The following MCM7 variants were observed in gnomAD, a reference collection of about 807,000 sequenced individuals.
The protein encoded by MCM7 is minichromosome maintenance complex component 7, also known as DNA replication licensing factor MCM7.
A neutral mutation model predicts 83.5 loss-of-function variants in MCM7; 95 were observed. The ratio of observed to expected loss-of-function variants is 1.14; its 90% confidence interval spans 0.96 to 1.35. MCM7 has a LOEUF of 1.35. Ranked by LOEUF, MCM7 falls within the 40% of genes most tolerant of loss-of-function variation. MCM7 has a pLI of 0.00. For synonymous variants in MCM7, 461 were observed against 352.7 expected (o/e 1.31, Z -3.44); for missense variants, 1,087 against 957.4 (o/e 1.14, Z -1.79).
rs112489425 is a variant in MCM7 at position 100,099,209 on chromosome 7, G to A, written c.402-6C>T. 5.5e-5 allele frequency: 89 copies of A among 1,613,888 alleles called. No homozygotes were observed. Among genetic ancestry groups the A allele is most frequent in the Non-Finnish European group, 6.7e-5 (79 of 1,179,952 alleles). On this transcript the variant is annotated splice_region_variant and splice_polypyrimidine_tract_variant and intron_variant, in intron 4 of 14. Transcript: ENST00000303887. ...GGCCTTGAAAATACAGCTCACTAAG[G>A]GGAGAAAACAGTCACAAACAAGATC... is the stretch of plus-strand genomic sequence containing the variant.
rs1406583255 is a variant in MCM7, at chr7:100,096,019, C to G, written c.1350G>C (p.Met450Ile). 6.2e-7 allele frequency: 1 copy of G among 1,614,080 alleles called. No individual in the cohort carries two copies. Among genetic ancestry groups the G allele is most frequent in the Non-Finnish European group, 8.5e-7 (1 of 1,180,004 alleles). ...GGATGGCTGTGCGGTCGGCCTCAGC[C>G]ATCTTGTCGAACTCATCAATGCAGC... Reference protein sequence around the residue: ...GVCCIDEFDKMAEADRTAIHE... With the variant: ...GVCCIDEFDKIAEADRTAIHE... The change falls in exon 11 of 15, where the codon ATG (methionine) becomes ATC (isoleucine). Residue 450 changes from methionine to isoleucine, a missense_variant. Transcript: ENST00000303887.
chr7:100,100,976 CT>C, intron 1 of MCM7: 3 of 959,890 alleles, frequency 3.1e-6, no homozygotes, highest in Non-Finnish European at 2.9e-6. Context: ...CTGGGCGCGA[CT>C]TTTCCCTGTG....
intron 12 of MCM7, 126 bp from the exon 13 acceptor site, chr7:100,094,467 A>C: frequency 9.5e-7 from 1 of 1,058,060 alleles, no homozygotes. Flanking sequence ...TTTAAGTGGA[A>C]AACACAAATT....
chr7:100,093,763 G>A (rs745577359), intron 13 of MCM7: 16 of 614,750 alleles, frequency 2.6e-5, no homozygotes, highest in South Asian at 7.1e-5. Context: ...CAGAGAGAAC[G>A]TGTCCCGGGG....
At chr7:100,096,253 G>A in intron 10 of MCM7, 86 bp from the exon 11 acceptor site, 1 of 1,345,012 alleles carries the variant, frequency 7.4e-7, no homozygotes, top group Non-Finnish European at 9.9e-7. Flanking sequence ...AGGGAGGCGA[G>A]GCCTGCGCTG....
intron 10 of MCM7, 88 bp downstream of exon 10, chr7:100,097,213 G>A (rs1317805211): frequency 5.1e-6 from 6 of 1,180,580 alleles, no homozygotes; most frequent in East Asian, 2.5e-5. Flanking sequence ...GATTACAGGC[G>A]TGAGCAAACA....
At chr7:100,093,771 G>A (rs1227100054) in intron 13 of MCM7, 7 of 612,598 alleles carry the variant, frequency 1.1e-5, no homozygotes, top group Admixed American at 1.9e-5. Flanking sequence ...ACGTGTCCCG[G>A]GGGCTCGGGA....
chr7:100,099,784 G>A (rs1405496392), intron 2 of MCM7, 31 bp from the exon 3 acceptor site: 9 of 1,610,940 alleles, frequency 5.6e-6, no homozygotes, highest in African/African-American at 1.3e-5. Flanking sequence ...AAACACCTCA[G>A]AGCCACATTC....
Position 100,093,144 on chromosome 7 carries a change from T to C in MCM7, c.1959-11A>G. 6.2e-7 allele frequency: 1 copy of C among 1,612,742 alleles called. No individual in the cohort carries two copies. The highest frequency in any genetic ancestry group is 8.5e-7 in the Non-Finnish European group (1 of 1,179,254). On this transcript the variant is annotated splice_polypyrimidine_tract_variant and intron_variant, in intron 14 of 14. Coordinates refer to ENST00000303887, the MANE Select transcript of MCM7 (RefSeq NM_005916.5). ...GCTGGTCTCTGAGTCCTGAAGGAAATGAGTGGGTGTGTAAGGTCAGGATAC... is the reference window on the plus strand; with the variant it reads ...GCTGGTCTCTGAGTCCTGAAGGAAACGAGTGGGTGTGTAAGGTCAGGATAC...
chr7:100,097,524 C>T (rs573420991), intron 9 of MCM7, 90 bp downstream of exon 9: 14 of 1,597,950 alleles, frequency 8.8e-6, no homozygotes, highest in East Asian at 4.5e-5. Flanking sequence ...AAGATGTCCA[C>T]TCATACTGTG....
intron 12 of MCM7, among the ~76,000 whole-genome samples, 195 bp downstream of exon 12, chr7:100,095,192 A>G (rs1795553214): frequency 6.6e-6 from 1 of 152,262 alleles, no homozygotes; most frequent in Non-Finnish European, 1.5e-5. Context: ...TAAATAGTGT[A>G]GGAAACAAAA....
intron 1 of MCM7, chr7:100,100,695 G>A (rs1795948852): frequency 3.0e-6 from 3 of 989,074 alleles, no homozygotes; most frequent in East Asian, 1.1e-4. Flanking sequence ...TCCCAGGCAC[G>A]CCCCCCCGGG....
At chr7:100,093,769 C>A in intron 13 of MCM7, 1 of 611,212 alleles carries the variant, frequency 1.6e-6, no homozygotes, top group Non-Finnish European at 3.2e-6. Context: ...GAACGTGTCC[C>A]GGGGGCTCGG....
chr7:100,100,284 G>T, intron 1 of MCM7, 191 bp from the exon 2 acceptor site: 1 of 1,364,080 alleles, frequency 7.3e-7, no homozygotes, highest in Non-Finnish European at 9.5e-7. Context: ...TAAAGAGCCC[G>T]TGGCAGTGCA....
intron 1 of MCM7, 199 bp from the exon 2 acceptor site, chr7:100,100,292 G>A: frequency 2.3e-6 from 3 of 1,331,550 alleles, no homozygotes; most frequent in South Asian, 3.3e-5. Flanking sequence ...CCGTGGCAGT[G>A]CACAGGGCCA....
intron 1 of MCM7, chr7:100,100,877 C>T (rs1795973301): frequency 9.5e-7 from 1 of 1,052,018 alleles, no homozygotes; most frequent in Non-Finnish European, 1.1e-6. Context: ...CTACGCGCGC[C>T]TGGGGAGGGC....
chr7:100,098,024 G>C, intron 7 of MCM7, 76 bp from the exon 8 acceptor site: 6 of 1,578,678 alleles, frequency 3.8e-6, no homozygotes, highest in Non-Finnish European at 5.2e-6. Flanking sequence ...ACAATTTCTT[G>C]ACAAATCCCT....
Position 100,096,125 on chromosome 7 carries a change from G to T in MCM7, c.1244C>A (p.Thr415Lys). The part of the protein sequence containing the change: ...TGRGSSGVGL[T>K]AAVLRDSVSG... ...CACGGAGTCTCTCAGCACAGCTGCCGTAAGCCCCACTCCTGAGGAGCCCCG... is the reference window on the plus strand; with the variant it reads ...CACGGAGTCTCTCAGCACAGCTGCCTTAAGCCCCACTCCTGAGGAGCCCCG... Residue 415 changes from threonine (T) to lysine (K), a missense_variant, in exon 11 of 15, where the codon ACG becomes AAG. Transcript: ENST00000303887. 1 of 1,613,204 alleles carries T rather than the reference G, an allele frequency of 6.2e-7. No individual in the cohort carries two copies.
Position 100,096,015 on chromosome 7 carries a change from C to T in MCM7, c.1354G>A (p.Glu452Lys), listed in dbSNP as rs1795615274. Reference protein sequence around the residue: ...CCIDEFDKMAEADRTAIHEVM... With the variant: ...CCIDEFDKMAKADRTAIHEVM... ...TCGTGGATGGCTGTGCGGTCGGCCTCAGCCATCTTGTCGAACTCATCAATG... is the reference window on the plus strand; with the variant it reads ...TCGTGGATGGCTGTGCGGTCGGCCTTAGCCATCTTGTCGAACTCATCAATG... The change falls in exon 11 of 15, where the codon GAG becomes AAG. Residue 452 changes from glutamate (E) to lysine (K), a missense_variant. Physicochemically the swap from Glu to Lys is moderately conservative, Grantham distance 56 (BLOSUM62 1). Transcript: ENST00000303887. The T allele has an allele frequency of 2.5e-6, 4 of 1,614,056 alleles. No homozygotes were observed. The highest frequency in any genetic ancestry group is 3.4e-6 in the Non-Finnish European group (4 of 1,180,002).
Sources: allele counts gnomAD v4.1 joint callset (sites outside exome capture counted in the v4.1 genomes callset), GRCh38; gene constraint gnomAD v4.1.1; transcripts MANE v1.5; gene names NCBI Gene and HGNC (gene_info 2026-07-23, HGNC 2026-07-21).